Variants in B3GNT2 observed in about 807,000 individuals in gnomAD.
The protein encoded by B3GNT2 is N-acetyllactosaminide beta-1,3-N-acetylglucosaminyltransferase 2.
In B3GNT2, 12 loss-of-function variants were observed where a neutral mutation model predicts 27.6. The observed-to-expected ratio is 0.44, with a 90% CI of 0.28 to 0.71. B3GNT2 has a LOEUF of 0.71. Ranked by LOEUF, B3GNT2 falls within the 30% of genes least tolerant of loss-of-function variation. The probability of loss-of-function intolerance (pLI) is 0.17; values close to 1 mark genes in which losing one functional copy is unlikely to be tolerated. For missense variants in B3GNT2, 413 were observed against 488.5 expected, an observed-to-expected ratio of 0.85 and a Z score of 1.46; for synonymous variants, 192 against 189.7, an observed-to-expected ratio of 1.01 and a Z score of -0.10.
Position 62,196,135 on chromosome 2 carries a change from G to T in B3GNT2, c.-230G>T, listed in dbSNP as rs1330974279. The T allele has an allele frequency of 6.6e-6, 1 of 151,540 alleles. No individual in the cohort carries two copies. The highest frequency in any genetic ancestry group is 1.5e-5 in the Non-Finnish European group (1 of 67,802). The allele number at this position is 151,540 out of a possible 1,614,324, so 9.4% of individuals were successfully genotyped here. A position where few individuals can be genotyped will look rare whatever the true frequency, so the allele number is the denominator to read the frequency against. On this transcript the variant is annotated 5_prime_UTR_variant, in exon 1 of 2. Coordinates refer to ENST00000301998, the MANE Select transcript of B3GNT2 (RefSeq NM_006577.6). Reference sequence around the variant, plus strand: ...ACCGGAGCCTGGAGTGAGGCGCAGCGGCAGCGGCAGCAGCGGCAACAAGTG... The same window carrying T: ...ACCGGAGCCTGGAGTGAGGCGCAGCTGCAGCGGCAGCAGCGGCAACAAGTG...
chr2:62,202,551 T>A (rs190399927), intron 1 of B3GNT2, among the ~76,000 whole-genome samples: 1 of 152,110 alleles, frequency 6.6e-6, no homozygotes, highest in East Asian at 1.9e-4. Context: ...AAAGTTCTTG[T>A]GGTCAGGGGA....
intron 1 of B3GNT2, among the ~76,000 whole-genome samples, chr2:62,216,545 A>G (rs887717805): frequency 1.3e-5 from 2 of 151,954 alleles, no homozygotes; most frequent in Non-Finnish European, 2.9e-5. Flanking sequence ...GGCTGGGACC[A>G]CAGGTGCATG....
intron 1 of B3GNT2, among the ~76,000 whole-genome samples, chr2:62,218,078 T>A (rs1674608841): frequency 6.6e-6 from 1 of 152,156 alleles, no homozygotes; most frequent in Non-Finnish European, 1.5e-5. Flanking sequence ...TGAGTTTTCT[T>A]AAATTCTTCT....
intron 1 of B3GNT2, among the ~76,000 whole-genome samples, chr2:62,208,965 G>A (rs1051780521): frequency 9.2e-5 from 14 of 152,112 alleles, no homozygotes; most frequent in Non-Finnish European, 1.9e-4. Context: ...GGGCAGTGGG[G>A]TGGGAGGAAG....
At chr2:62,208,935 A>G (rs2104195828) in intron 1 of B3GNT2, among the ~76,000 whole-genome samples, 1 of 152,168 alleles carries the variant, frequency 6.6e-6, no homozygotes, top group South Asian at 2.1e-4. Context: ...GAAGAAATAC[A>G]AGCAGCCCAA....
intron 1 of B3GNT2, among the ~76,000 whole-genome samples, chr2:62,210,125 A>T (rs1674453130): frequency 2.6e-5 from 4 of 152,350 alleles, no homozygotes; most frequent in Middle Eastern, 3.4e-3. Flanking sequence ...ATCTTCCTGG[A>T]TGGGTATCCA....
At chr2:62,210,755 CA>C (rs1674467088) in intron 1 of B3GNT2, among the ~76,000 whole-genome samples, 1 of 149,442 alleles carries the variant, frequency 6.7e-6, no homozygotes, top group South Asian at 2.1e-4. Context: ...GATGACAGAG[CA>C]AGACTCCATC....
intron 1 of B3GNT2, among the ~76,000 whole-genome samples, chr2:62,199,956 T>C (rs1401183928): frequency 6.6e-6 from 1 of 152,226 alleles, no homozygotes; most frequent in African/African-American, 2.4e-5. Flanking sequence ...TAAGGAGACT[T>C]TGCCAGGCTG....
chr2:62,198,993 T>G (rs1674211555), intron 1 of B3GNT2, among the ~76,000 whole-genome samples: 1 of 152,046 alleles, frequency 6.6e-6, no homozygotes, highest in Non-Finnish European at 1.5e-5. Flanking sequence ...CAGGCTGGAG[T>G]GCAGTGGTGC....
intron 1 of B3GNT2, among the ~76,000 whole-genome samples, chr2:62,199,228 C>T (rs185365939): frequency 3.6e-4 from 55 of 152,332 alleles, no homozygotes; most frequent in African/African-American, 1.2e-3. Context: ...CGTAAGCCAC[C>T]GCGCCTGGCC....
At chr2:62,219,979 A>G (rs1234315028) in intron 1 of B3GNT2, among the ~76,000 whole-genome samples, 3 of 152,218 alleles carry the variant, frequency 2.0e-5, no homozygotes, top group Non-Finnish European at 2.9e-5. Context: ...AGTTTCTATA[A>G]TAGTGGTGTT....
intron 1 of B3GNT2, among the ~76,000 whole-genome samples, chr2:62,203,431 T>G (rs1376414885): frequency 6.6e-6 from 1 of 152,086 alleles, no homozygotes; most frequent in Admixed American, 6.5e-5. Context: ...AGCAATAGAC[T>G]TGGGCCCAGA....
intron 1 of B3GNT2, among the ~76,000 whole-genome samples, chr2:62,203,643 T>A: frequency 6.6e-6 from 1 of 151,904 alleles, no homozygotes; most frequent in African/African-American, 2.4e-5. Flanking sequence ...GCAGGACAAA[T>A]GGGCATGACA....
At chr2:62,202,894 G>A (rs567528531) in intron 1 of B3GNT2, among the ~76,000 whole-genome samples, 1 of 152,142 alleles carries the variant, frequency 6.6e-6, no homozygotes, top group African/African-American at 2.4e-5. Context: ...TTCACTCCAG[G>A]CACAAGGCCC....
chr2:62,213,418 T>C (rs1401827826), intron 1 of B3GNT2, among the ~76,000 whole-genome samples: 1 of 152,198 alleles, frequency 6.6e-6, no homozygotes, highest in Non-Finnish European at 1.5e-5. Flanking sequence ...TTACAATTGC[T>C]GGAGGTCCAT....
At chr2:62,200,561 A>G (rs530147040) in intron 1 of B3GNT2, among the ~76,000 whole-genome samples, 22 of 152,282 alleles carry the variant, frequency 1.4e-4, no homozygotes, top group African/African-American at 5.3e-4. Context: ...TAAGATGAGG[A>G]TTTTTTTAAC....
intron 1 of B3GNT2, among the ~76,000 whole-genome samples, chr2:62,200,923 G>C (rs1160650015): frequency 6.6e-6 from 1 of 152,118 alleles, no homozygotes; most frequent in African/African-American, 2.4e-5. Context: ...GTTACGTATG[G>C]GAATGCCTAA....
chr2:62,198,589 G>A (rs184130558), intron 1 of B3GNT2, among the ~76,000 whole-genome samples: 43 of 152,316 alleles, frequency 2.8e-4, no homozygotes, highest in Non-Finnish European at 5.3e-4. Context: ...AGGAAAATAA[G>A]CATGATTTGC....
intron 1 of B3GNT2, among the ~76,000 whole-genome samples, chr2:62,215,937 T>C (rs1674565401): frequency 6.6e-6 from 1 of 152,132 alleles, no homozygotes; most frequent in Non-Finnish European, 1.5e-5. Flanking sequence ...TCCTTAATCT[T>C]GGTAGTAGGA....
Sources: gnomAD v4.1 joint callset for allele counts (sites outside exome capture counted in the v4.1 genomes callset) on GRCh38, gnomAD v4.1.1 for gene constraint, MANE v1.5 for transcripts, NCBI Gene and HGNC (gene_info 2026-07-23, HGNC 2026-07-21) for gene names.